Variants in ST3GAL5 observed in about 807,000 individuals in gnomAD.
ST3GAL5 encodes the protein lactosylceramide alpha-2,3-sialyltransferase.
Under a neutral mutation model 46.1 loss-of-function variants are expected in ST3GAL5, and 25 were observed. The observed-to-expected ratio is 0.54, with a 90% CI of 0.40 to 0.76. The LOEUF (loss-of-function observed/expected upper bound fraction) is 0.76. Ranked by LOEUF, ST3GAL5 falls within the 30% of genes least tolerant of loss-of-function variation. The pLI is 0.00. For synonymous variants in ST3GAL5, 182 were observed against 192.7 expected (o/e 0.94, Z 0.46); for missense variants, 431 against 521.2 (o/e 0.83, Z 1.69).
chr2:85,879,626 T>C (rs1686941910), intron 1 of ST3GAL5, among the ~76,000 whole-genome samples: 1 of 152,172 alleles, frequency 6.6e-6, no homozygotes, highest in South Asian at 2.1e-4. Flanking sequence ...GGCAACCCCA[T>C]GAATACCCCA....
chr2:85,884,848 T>C (rs1687574795), intron 1 of ST3GAL5, among the ~76,000 whole-genome samples: 1 of 152,198 alleles, frequency 6.6e-6, no homozygotes, highest in Non-Finnish European at 1.5e-5. Context: ...GAAAAAGAGA[T>C]GGTCTTAAAA....
intron 1 of ST3GAL5, chr2:85,865,832 T>TA (rs1159308503): frequency 6.6e-6 from 1 of 152,224 alleles, no homozygotes; most frequent in East Asian, 1.9e-4. Context: ...TATAAGCCTG[T>TA]AAATATTTTC....
At chr2:85,853,064 C>G (rs768951958) in intron 3 of ST3GAL5, 7 of 1,304,200 alleles carry the variant, frequency 5.4e-6, no homozygotes, top group Non-Finnish European at 7.1e-6. Context: ...ATTAACTGCA[C>G]GCAATGCCAT....
intron 3 of ST3GAL5, among the ~76,000 whole-genome samples, chr2:85,858,587 G>A (rs1684402632): frequency 6.6e-6 from 1 of 152,238 alleles, no homozygotes; most frequent in South Asian, 2.1e-4. Context: ...GGGATTACAG[G>A]TGTGCGCCAT....
intron 3 of ST3GAL5, chr2:85,848,481 A>G: frequency 8.2e-7 from 1 of 1,217,012 alleles, no homozygotes. Flanking sequence ...CCAGCCTAAC[A>G]CTGTTCAAAT....
chr2:85,875,032 C>A (rs535155492), intron 1 of ST3GAL5, among the ~76,000 whole-genome samples: 1 of 152,020 alleles, frequency 6.6e-6, no homozygotes, highest in East Asian at 1.9e-4. Flanking sequence ...TGTCTCCCCC[C>A]CACCATGGAA....
chr2:85,877,382 T>C (rs1686694413), intron 1 of ST3GAL5, among the ~76,000 whole-genome samples: 1 of 152,268 alleles, frequency 6.6e-6, no homozygotes, highest in Non-Finnish European at 1.5e-5. Context: ...CGTTCCTTTA[T>C]CTTTCATGAC....
At chr2:85,859,428 T>C (rs1300634615) in intron 3 of ST3GAL5, among the ~76,000 whole-genome samples, 1 of 152,148 alleles carries the variant, frequency 6.6e-6, no homozygotes, top group East Asian at 1.9e-4. Flanking sequence ...TGCAAAGGAC[T>C]GGGGGAGGTA....
chr2:85,839,602 C>CAG lies in ST3GAL5; in HGVS notation c.*540_*541dup, dbSNP rs2104580426. 3.0e-5 allele frequency: 5 copies of CAG among 168,992 alleles called. No individual in the cohort carries two copies. In the South Asian group the frequency reaches 5.7e-4, roughly 19 times the overall value. 10.5% of individuals were successfully genotyped at this position (168,992 alleles called of 1,614,324 possible). On this transcript the variant is annotated 3_prime_UTR_variant, in exon 7 of 7. Transcript: ENST00000638572. ...AGTCTTTCAGCAGAAGGCAGACCAACAGAGAAGGGTTGTGACCTTCTCCAA... is the reference window on the plus strand; with the variant it reads ...AGTCTTTCAGCAGAAGGCAGACCAACAGAGAGAAGGGTTGTGACCTTCTCCAA...
At chr2:85,883,131 G>T (rs191045826) in intron 1 of ST3GAL5, among the ~76,000 whole-genome samples, 7 of 152,270 alleles carry the variant, frequency 4.6e-5, no homozygotes, top group African/African-American at 1.4e-4. Context: ...GGAGGGGCCA[G>T]GGGAGGAATG....
intron 6 of ST3GAL5, among the ~76,000 whole-genome samples, chr2:85,841,121 G>A (rs900350834): frequency 6.6e-6 from 1 of 151,168 alleles, no homozygotes; most frequent in African/African-American, 2.4e-5. Context: ...GACCTTCCAC[G>A]GTCCTTCCCA....
rs1294061232 is a variant in ST3GAL5 at position 85,840,089 on chromosome 2, T to C, written c.*55A>G. ...GGATGGAGAAATACATCAAGAAGGC[T>C]GTCAAAAACAGCTCTCAGAGTTAGA... On this transcript the variant is annotated 3_prime_UTR_variant, in exon 7 of 7. Transcript: ENST00000638572. The C allele has an allele frequency of 6.8e-6, 11 of 1,613,406 alleles. No individual in the cohort carries two copies. The highest frequency in any genetic ancestry group is 1.3e-5 in the African/African-American group (1 of 74,932).
At chr2:85,886,647 C>T (rs181931355) in intron 1 of ST3GAL5, among the ~76,000 whole-genome samples, 1 of 152,128 alleles carries the variant, frequency 6.6e-6, no homozygotes, top group Non-Finnish European at 1.5e-5. Context: ...TGCTCCCTTA[C>T]GCATTTCACT....
intron 3 of ST3GAL5, chr2:85,860,925 T>C (rs1308125208): frequency 2.1e-6 from 1 of 487,312 alleles, no homozygotes; most frequent in Non-Finnish European, 3.7e-6. Flanking sequence ...AGAGGAGCCC[T>C]AGAGCCTGTT....
At chr2:85,883,068 G>T (rs1453569093) in intron 1 of ST3GAL5, among the ~76,000 whole-genome samples, 1 of 152,152 alleles carries the variant, frequency 6.6e-6, no homozygotes, top group Non-Finnish European at 1.5e-5. Flanking sequence ...CTAAGACTTT[G>T]GGTGAGTGTT....
chr2:85,878,120 A>G (rs1236757479), intron 1 of ST3GAL5, among the ~76,000 whole-genome samples: 3 of 152,222 alleles, frequency 2.0e-5, no homozygotes, highest in Non-Finnish European at 2.9e-5. Flanking sequence ...TTCCCAGCTC[A>G]CTGTGGCACA....
Position 85,846,436 on chromosome 2 carries a change from C to A in ST3GAL5, c.790G>T (p.Val264Phe). The A allele has an allele frequency of 6.2e-7, 1 of 1,614,168 alleles. No homozygotes were observed. Among genetic ancestry groups the A allele is most frequent in the South Asian group, 1.1e-5 (1 of 91,086 alleles). The change falls in exon 5 of 7, where the codon GTT becomes TTT. Residue 264 changes from valine (V) to phenylalanine (F), a missense_variant. Coordinates refer to ENST00000638572, the MANE Select transcript of ST3GAL5 (RefSeq NM_003896.4). ...TTGAAATCAACACTCTTAAATAAAA[C>A]AGCAACAAATAAGTCATTGGAATAA... ...EYYSNDLFVA[V>F]LFKSVDFNWL... is the part of the protein sequence containing the mutation.
At chr2:85,858,718 C>T (rs1573635840) in intron 3 of ST3GAL5, among the ~76,000 whole-genome samples, 1 of 152,328 alleles carries the variant, frequency 6.6e-6, no homozygotes, top group South Asian at 2.1e-4. Context: ...AGATTGGCTG[C>T]CATCCCTATA....
intron 1 of ST3GAL5, among the ~76,000 whole-genome samples, chr2:85,879,812 G>A (rs1454926272): frequency 6.6e-6 from 1 of 152,160 alleles, no homozygotes; most frequent in East Asian, 1.9e-4. Context: ...TCCAACATAT[G>A]GGCCTTTTAC....
Sources: allele counts gnomAD v4.1 joint callset (sites outside exome capture counted in the v4.1 genomes callset), GRCh38; gene constraint gnomAD v4.1.1; transcripts MANE v1.5; gene names NCBI Gene and HGNC (gene_info 2026-07-23, HGNC 2026-07-21).